The following ABCA12 variants were observed in gnomAD, a reference collection of about 807,000 sequenced individuals.
ABCA12 encodes glucosylceramide transporter ABCA12.
In ABCA12, 156 loss-of-function variants were observed where a neutral mutation model predicts 293.5. That is an observed-to-expected ratio of 0.53 (90% CI 0.47 to 0.61). The LOEUF is 0.61. Ranked by LOEUF, ABCA12 falls within the 20% of genes least tolerant of loss-of-function variation. The probability of loss-of-function intolerance (pLI) is 0.00; values close to 1 mark genes in which losing one functional copy is unlikely to be tolerated. For synonymous variants in ABCA12, 1,063 were observed against 1,108.0 expected (o/e 0.96, Z 0.81); for missense variants, 2,797 against 3,090.2 (o/e 0.91, Z 2.25).
chr2:215,041,581 A>C (rs951499003), intron 7 of ABCA12, among the ~76,000 whole-genome samples: 1 of 151,150 alleles, frequency 6.6e-6, no homozygotes, highest in Non-Finnish European at 1.5e-5. Flanking sequence ...AATACAGTGG[A>C]GTTGCTATGG....
rs78502628 is a variant in ABCA12 at position 215,113,544 on chromosome 2, G to C, written c.70-1854C>G. Among the ~76,000 whole-genome samples the C allele has an allele frequency of 1.6e-3, 237 of 152,248 alleles. 1 individual carries two copies. Among genetic ancestry groups the C allele is most frequent in the African/African-American group, 5.5e-3 (227 of 41,542 alleles). On this transcript the variant is annotated intron_variant, in intron 1 of 52. Transcript: ENST00000272895. The stretch of plus-strand genomic sequence containing the variant: ...CCAGGTAAGTGATGCTGATGCAGCT[G>C]GTCCATGGACTGCACTTTGAGGAGA...
chr2:214,985,768 G>T (rs1699771915), intron 28 of ABCA12, among the ~76,000 whole-genome samples: 1 of 152,192 alleles, frequency 6.6e-6, no homozygotes, highest in African/African-American at 2.4e-5. Flanking sequence ...TGCAGCAACT[G>T]ATCCTTTTTC....
intron 2 of ABCA12, among the ~76,000 whole-genome samples, chr2:215,067,068 A>G (rs76462980): frequency 0.15 from 23,207 of 152,142 alleles, 2,292 homozygotes; most frequent in East Asian, 0.37. Context: ...TTTCTTGTAA[A>G]AAAAATGATA....
intron 36 of ABCA12, 94 bp downstream of exon 36, chr2:214,973,855 A>G (rs543657137): frequency 9.2e-7 from 1 of 1,090,844 alleles, no homozygotes; most frequent in Non-Finnish European, 1.4e-6. Context: ...AAATGAACTT[A>G]TACTGATTCT....
At chr2:215,131,715 T>G (rs1049947128) in intron 1 of ABCA12, among the ~76,000 whole-genome samples, 5 of 149,926 alleles carry the variant, frequency 3.3e-5, no homozygotes, top group African/African-American at 1.2e-4. Context: ...TTTTTTTTTT[T>G]TTTTTTTGGC....
At chr2:214,984,799 C>G (rs1401006445) in intron 28 of ABCA12, among the ~76,000 whole-genome samples, 2 of 152,166 alleles carry the variant, frequency 1.3e-5, no homozygotes, top group Admixed American at 1.3e-4. Flanking sequence ...ATGGGACCAT[C>G]ACCATCACCA....
rs1699793877 is a variant in ABCA12 at position 214,986,642 on chromosome 2, A to G, written c.4063T>C (p.Tyr1355His). The change falls in exon 28 of 53, where the codon TAT (tyrosine) becomes CAT (histidine). Residue 1355 changes from tyrosine (Y) to histidine (H), a missense_variant. Around this residue, in one of 3 missense-constraint regions of ABCA12, gnomAD observed 2,130 missense variants for 2,427.0 expected, o/e 0.88. Coordinates refer to ENST00000272895, the MANE Select transcript of ABCA12 (RefSeq NM_173076.3). ...GVALHGVTKI[Y>H]GSKVAVDNLN... ...TTATCAACAGCAACTTTTGAGCCAT[A>G]GATCTTTGTGACCCCATGCAGGGCA... 4.0e-5 allele frequency: 64 copies of G among 1,614,146 alleles called. No individual in the cohort carries two copies. The highest frequency in any genetic ancestry group is 5.3e-5 in the Non-Finnish European group (62 of 1,179,994).
At chr2:215,048,070 G>T (rs1213926682) in intron 6 of ABCA12, among the ~76,000 whole-genome samples, 1 of 151,416 alleles carries the variant, frequency 6.6e-6, no homozygotes, top group Non-Finnish European at 1.5e-5. Flanking sequence ...ATGAAAAAAA[G>T]CTCAATATCA....
intron 50 of ABCA12, among the ~76,000 whole-genome samples, chr2:214,938,697 G>A (rs2105912615): frequency 6.6e-6 from 1 of 152,280 alleles, no homozygotes; most frequent in African/African-American, 2.4e-5. Flanking sequence ...GCTTTGGTTT[G>A]CATTTCTCTA....
At chr2:215,000,324 T>G (rs1393535058) in intron 22 of ABCA12, among the ~76,000 whole-genome samples, 1 of 152,070 alleles carries the variant, frequency 6.6e-6, no homozygotes, top group East Asian at 1.9e-4. Flanking sequence ...GATTTGGGAG[T>G]TGGAAGGGAT....
At chr2:214,972,272 T>G (rs569338638) in intron 36 of ABCA12, among the ~76,000 whole-genome samples, 1 of 152,216 alleles carries the variant, frequency 6.6e-6, no homozygotes, top group African/African-American at 2.4e-5. Context: ...TTATCCATAT[T>G]GTATGTCTGG....
At chr2:215,102,110 A>G (rs925544039) in intron 2 of ABCA12, among the ~76,000 whole-genome samples, 27 of 152,184 alleles carry the variant, frequency 1.8e-4, no homozygotes. Context: ...GCAAATGTAC[A>G]CTGAAATGTT....
chr2:215,048,066 A>T (rs1267914616), intron 6 of ABCA12, among the ~76,000 whole-genome samples: 1 of 152,206 alleles, frequency 6.6e-6, no homozygotes, highest in East Asian at 1.9e-4. Context: ...GCATATGAAA[A>T]AAAGCTCAAT....
intron 2 of ABCA12, among the ~76,000 whole-genome samples, chr2:215,092,082 C>T (rs1302742796): frequency 6.6e-6 from 1 of 152,208 alleles, no homozygotes; most frequent in Non-Finnish European, 1.5e-5. Flanking sequence ...TGCCTGATGG[C>T]CTCAGAAGCC....
In ABCA12 at chr2:215,058,307, A is replaced by T. The variant is rs375013365; in HGVS notation, c.318-3643T>A. Reference sequence around the variant, plus strand: ...GGCCAGGGGTGCTGCTGAACATCCTACAATGCACAACACAACAAAGAATTA... The same window carrying T: ...GGCCAGGGGTGCTGCTGAACATCCTTCAATGCACAACACAACAAAGAATTA... On this transcript the variant is annotated intron_variant, in intron 3 of 52. Transcript: ENST00000272895. Among the ~76,000 whole-genome samples the T allele has an allele frequency of 3.6e-4, 55 of 152,050 alleles. 1 individual carries two copies. In the South Asian group the frequency reaches 9.1e-3, roughly 25 times the overall value.
chr2:215,097,139 T>G (rs1472058388), intron 2 of ABCA12, among the ~76,000 whole-genome samples: 1 of 152,038 alleles, frequency 6.6e-6, no homozygotes, highest in Non-Finnish European at 1.5e-5. Flanking sequence ...TCAGAGAAAG[T>G]TCCCTGAAGC....
At chr2:214,959,723 G>C (rs1434337953) in intron 39 of ABCA12, among the ~76,000 whole-genome samples, 1 of 152,134 alleles carries the variant, frequency 6.6e-6, no homozygotes, top group Non-Finnish European at 1.5e-5. Flanking sequence ...CAGAAAAGTG[G>C]TCACTTAATT....
Position 214,997,348 on chromosome 2 carries a change from C to T in ABCA12, c.3294+347G>A, listed in dbSNP as rs573353369. ...ATTTTAGTTACCATGCCAACAATCT[C>T]TCTGCCTGAACAGTTGTTATTGTTG... On this transcript the variant is annotated intron_variant, in intron 23 of 52. Transcript: ENST00000272895. Among the ~76,000 whole-genome samples the T allele has an allele frequency of 3.3e-5, 5 of 152,284 alleles. No homozygotes were observed. In the South Asian group the frequency reaches 8.3e-4, roughly 25 times the overall value.
At chr2:215,036,727 T>A (rs1701002456) in intron 8 of ABCA12, among the ~76,000 whole-genome samples, 1 of 152,136 alleles carries the variant, frequency 6.6e-6, no homozygotes, top group Non-Finnish European at 1.5e-5. Flanking sequence ...CTAACAGAGA[T>A]CATTTTCACC....
Sources: gnomAD v4.1 joint callset for allele counts (sites outside exome capture counted in the v4.1 genomes callset) on GRCh38, gnomAD v4.1.1 for gene constraint, gnomAD v4.1.1 regional missense constraint, MANE v1.5 for transcripts, NCBI Gene and HGNC (gene_info 2026-07-23, HGNC 2026-07-21) for gene names.